Variants in WDR33 observed in about 807,000 individuals in gnomAD.
WDR33 encodes WD repeat domain 33.
In WDR33, 47 loss-of-function variants were observed where a neutral mutation model predicts 164.9. That is an observed-to-expected ratio of 0.29 (90% CI 0.23 to 0.36). The LOEUF is 0.36. WDR33 is among the 10% of genes least tolerant of loss of function. WDR33 has a pLI of 1.00. For synonymous variants in WDR33, 505 were observed against 589.0 expected, an observed-to-expected ratio of 0.86 and a Z score of 2.06; for missense variants, 1,137 against 1,754.1, an observed-to-expected ratio of 0.65 and a Z score of 6.28.
intron 7 of WDR33, among the ~76,000 whole-genome samples, chr2:127,743,471 G>A (rs1687083829): frequency 6.6e-6 from 1 of 151,986 alleles, no homozygotes; most frequent in African/African-American, 2.4e-5. Flanking sequence ...TATACTGCTT[G>A]GTTCTGTTAT....
intron 1 of WDR33, among the ~76,000 whole-genome samples, chr2:127,786,805 A>G (rs1688590896): frequency 6.7e-6 from 1 of 148,826 alleles, no homozygotes; most frequent in African/African-American, 2.5e-5. Flanking sequence ...GACATATATC[A>G]TCTGCAAAGA....
rs150188053 is a variant in WDR33 at position 127,775,240 on chromosome 2, G to A, written c.-23-4236C>T. On this transcript the variant is annotated intron_variant, in intron 1 of 21. Transcript: ENST00000322313. ...GTCTCACTGTATTGCCCAGGCAGGA[G>A]TGCAGTGGCGTGATCCCAGCTCACT... 2.8e-4 allele frequency among the ~76,000 whole-genome samples: 42 copies of A among 152,236 alleles called. No individual in the cohort carries two copies. The East Asian group carries it at 7.7e-3, about 28-fold the overall frequency.
At position 127,720,033 on chromosome 2, in the gene WDR33, C is replaced by T. The variant is rs771444529; in HGVS notation, c.1992G>A (p.Gly664=). 6.2e-7 allele frequency: 1 copy of T among 1,613,674 alleles called. No homozygotes were observed. The highest frequency in any genetic ancestry group is 1.3e-5 in the African/African-American group (1 of 74,850). The change falls in exon 16 of 22, where the codon GGG becomes GGA. Residue 664 remains glycine, a synonymous_variant. Coordinates refer to ENST00000322313, the MANE Select transcript of WDR33 (RefSeq NM_018383.5). This position sits in a 1 kb window ranked among gnomAD's most constrained non-coding sequence, Gnocchi z 5.9. ...GPQGPQGPPQ[G]LPRPQDMHGP... ...CATGCATGTCCTGAGGCCGTGGCAA[C>T]CCCTGGGGCGGGCCCTGGGGCCCCT...
At position 127,712,359 on chromosome 2, in the gene WDR33, G is replaced by A. The variant is rs934401409; in HGVS notation, c.3308+1224C>T. On this transcript the variant is annotated intron_variant, in intron 18 of 21. Transcript: ENST00000322313. The surrounding 1 kb of genome is among the most constrained non-coding windows in gnomAD (Gnocchi z 4.0). The stretch of plus-strand genomic sequence containing the variant: ...TGCAGTGAGCCGAGATCGTGCCACT[G>A]CACTCCAGCCTGGCAACAGAGCAAG... Among the ~76,000 whole-genome samples, 3 of 151,180 alleles carry A rather than the reference G, an allele frequency of 2.0e-5. No individual in the cohort carries two copies. The highest frequency in any genetic ancestry group is 4.4e-5 in the Non-Finnish European group (3 of 67,946).
At chr2:127,754,583 ATT>A (rs764744041) in intron 7 of WDR33, among the ~76,000 whole-genome samples, 2,439 of 118,880 alleles carry the variant, frequency 0.021, 39 homozygotes, top group African/African-American at 0.072. Flanking sequence ...CATGTTTTTC[ATT>A]TTTTTTTTTT....
rs1558943412 is a variant in WDR33 at position 127,764,553 on chromosome 2, TATTA to T, written c.626+271_626+274del. On this transcript the variant is annotated intron_variant, in intron 6 of 21. Coordinates refer to ENST00000322313, the MANE Select transcript of WDR33 (RefSeq NM_018383.5). The surrounding 1 kb of genome is among the most constrained non-coding windows in gnomAD (Gnocchi z 6.2). ...ATAAAAAGGAATAACGTATACACAT[TATTA>T]ATCATAAATGAAAAGAGAAAACCAG... 1.3e-6 allele frequency: 2 copies of T among 1,548,302 alleles called. No individual in the cohort carries two copies. Among genetic ancestry groups the T allele is most frequent in the Non-Finnish European group, 1.7e-6 (2 of 1,146,196 alleles).
At chr2:127,759,966 A>G (rs570506445) in intron 7 of WDR33, among the ~76,000 whole-genome samples, 1 of 152,338 alleles carries the variant, frequency 6.6e-6, no homozygotes, top group East Asian at 1.9e-4. Context: ...TGAAAAACTC[A>G]GTCAAGAAGA....
rs1686085572 is a variant in WDR33, at chr2:127,708,958, C to T, written c.3566-66G>A. The T allele has an allele frequency of 6.2e-6, 9 of 1,443,058 alleles. No homozygotes were observed. The South Asian group carries it at 1.2e-4, about 19-fold the overall frequency. The allele number at this position is 1,443,058 out of a possible 1,614,324, so 89.4% of individuals were successfully genotyped here. A position where few individuals can be genotyped will look rare whatever the true frequency, so the allele number is the denominator to read the frequency against. ...TGACCAGAAGTAGATGGGAATGACA[C>T]TGTGAGAGTAAGGAGCAACTCGAGA... is the stretch of plus-strand genomic sequence containing the variant. On this transcript the variant is annotated intron_variant, in intron 20 of 21. Transcript: ENST00000322313. The surrounding 1 kb of genome is among the most constrained non-coding windows in gnomAD (Gnocchi z 6.7).
intron 4 of WDR33, among the ~76,000 whole-genome samples, chr2:127,766,854 C>T (rs1255733768): frequency 1.3e-5 from 2 of 152,092 alleles, no homozygotes; most frequent in African/African-American, 4.8e-5. Flanking sequence ...ACTGCAACCT[C>T]CACCTCCCAG....
rs1011553140 is a variant in WDR33, at chr2:127,712,748, G to GT, written c.3308+834dup. 9.3e-5 allele frequency among the ~76,000 whole-genome samples: 14 copies of GT among 151,130 alleles called. No individual in the cohort carries two copies. The highest frequency in any genetic ancestry group is 1.8e-4 in the Non-Finnish European group (12 of 67,990). On this transcript the variant is annotated intron_variant, in intron 18 of 21. Coordinates refer to ENST00000322313, the MANE Select transcript of WDR33 (RefSeq NM_018383.5). This position sits in a 1 kb window ranked among gnomAD's most constrained non-coding sequence, Gnocchi z 4.0. The stretch of plus-strand genomic sequence containing the variant: ...ACTTGAGATTTTACTATTTCCTGGT[G>GT]TTTTTTTGTTTTGTTTTGTTTTTCT...
intron 4 of WDR33, 43 bp downstream of exon 4, chr2:127,768,146 C>T (rs771468011): frequency 8.6e-6 from 11 of 1,273,634 alleles, no homozygotes; most frequent in African/African-American, 7.5e-5. Flanking sequence ...TGCTATATAA[C>T]GCAGGATTAA....
chr2:127,787,493 C>G (rs1361297260), intron 1 of WDR33, among the ~76,000 whole-genome samples: 13 of 138,480 alleles, frequency 9.4e-5, no homozygotes, highest in African/African-American at 3.2e-4. Context: ...GGGGCTGACC[C>G]CCCCCACCTC....
At chr2:127,767,119 AGACT>A in intron 4 of WDR33, among the ~76,000 whole-genome samples, 1 of 152,300 alleles carries the variant, frequency 6.6e-6, no homozygotes, top group East Asian at 1.9e-4. Context: ...TATGGAGTTC[AGACT>A]GACATCTCTC....
intron 7 of WDR33, chr2:127,737,368 T>C (rs1686876608): frequency 1.0e-6 from 1 of 985,390 alleles, no homozygotes; most frequent in Non-Finnish European, 1.2e-6. Flanking sequence ...TACATATGTG[T>C]GTGTGTATGT....
At chr2:127,767,763 C>T (rs1391086915) in intron 4 of WDR33, among the ~76,000 whole-genome samples, 1 of 152,024 alleles carries the variant, frequency 6.6e-6, no homozygotes, top group Non-Finnish European at 1.5e-5. Flanking sequence ...GTATTAAGTG[C>T]CTACTAGGTA....
At chr2:127,725,410 C>G (rs79901537) in intron 8 of WDR33, among the ~76,000 whole-genome samples, 195 bp from the exon 9 acceptor site, 4,724 of 152,252 alleles carry the variant, frequency 0.031, 102 homozygotes, top group Middle Eastern at 0.044. Flanking sequence ...ATATGCACTG[C>G]CCAGACAAAG....
At chr2:127,795,254 C>T (rs1354477864) in intron 1 of WDR33, among the ~76,000 whole-genome samples, 3 of 151,710 alleles carry the variant, frequency 2.0e-5, no homozygotes, top group Non-Finnish European at 4.4e-5. Flanking sequence ...GCGTGTACCA[C>T]CATGCCCGGC....
intron 7 of WDR33, among the ~76,000 whole-genome samples, chr2:127,752,362 G>A (rs954116196): frequency 2.0e-5 from 3 of 151,308 alleles, no homozygotes; most frequent in African/African-American, 4.9e-5. Flanking sequence ...AGGCCGAGGC[G>A]GGTGGATCAT....
In WDR33 at chr2:127,723,169, C is replaced by T. The variant is rs114365319; in HGVS notation, c.1291+84G>A. The T allele has an allele frequency of 9.4e-4, 1,362 of 1,449,952 alleles. 11 individuals are homozygous for T. The African/African-American group carries it at 0.016, about 17-fold the overall frequency. The allele number at this position is 1,449,952 out of a possible 1,614,324, so 89.8% of individuals were successfully genotyped here. ...ATAAATCTACTATAAAATTAAAATT[C>T]ATTTTGTATAATCTTCCCAACATCT... On this transcript the variant is annotated intron_variant, in intron 12 of 21. Coordinates refer to ENST00000322313, the MANE Select transcript of WDR33 (RefSeq NM_018383.5). This position sits in a 1 kb window ranked among gnomAD's most constrained non-coding sequence, Gnocchi z 5.9.
Sources: allele counts gnomAD v4.1 joint callset (sites outside exome capture counted in the v4.1 genomes callset), GRCh38; gene constraint gnomAD v4.1.1; non-coding constraint Gnocchi (gnomAD v3.1); transcripts MANE v1.5; gene names NCBI Gene and HGNC (gene_info 2026-07-23, HGNC 2026-07-21).